The following CACNA2D1 variants were observed in gnomAD, a reference collection of about 807,000 sequenced individuals.
CACNA2D1 encodes voltage-dependent calcium channel subunit alpha-2/delta-1.
A neutral mutation model predicts 171.5 loss-of-function variants in CACNA2D1; 53 were observed. The observed-to-expected ratio is 0.31, with a 90% CI of 0.25 to 0.39. The LOEUF (loss-of-function observed/expected upper bound fraction) is 0.39, where lower values mean the gene tolerates loss of function less well. CACNA2D1 is among the 10% of genes least tolerant of loss of function. The probability of loss-of-function intolerance (pLI) is 1.00; values close to 1 mark genes in which losing one functional copy is unlikely to be tolerated. For missense variants in CACNA2D1, 903 were observed against 1,299.8 expected (o/e 0.69, Z 4.69); for synonymous variants, 442 against 443.1 (o/e 1.00, Z 0.03).
At chr7:82,269,295 C>CT (rs1416285408) in intron 3 of CACNA2D1, among the ~76,000 whole-genome samples, 1 of 152,092 alleles carries the variant, frequency 6.6e-6, no homozygotes, top group Admixed American at 6.6e-5. Context: ...TCTTATTCTC[C>CT]TTTTTTCATA....
chr7:82,286,147 C>T (rs953137463), intron 3 of CACNA2D1, among the ~76,000 whole-genome samples: 1 of 152,002 alleles, frequency 6.6e-6, no homozygotes, highest in Admixed American at 6.6e-5. Context: ...TGTGTGTCTG[C>T]CAGTAGCTTT....
intron 3 of CACNA2D1, among the ~76,000 whole-genome samples, chr7:82,259,429 C>A (rs992537082): frequency 6.6e-6 from 1 of 152,088 alleles, no homozygotes; most frequent in African/African-American, 2.4e-5. Flanking sequence ...TCATTCGTGT[C>A]ACATTTGTTA....
intron 3 of CACNA2D1, among the ~76,000 whole-genome samples, chr7:82,240,792 C>A (rs1378972656): frequency 6.6e-6 from 1 of 151,952 alleles, no homozygotes; most frequent in Non-Finnish European, 1.5e-5. Flanking sequence ...CATGGTGAAA[C>A]CCTGTCTCTA....
In CACNA2D1 at chr7:82,150,691, T is replaced by C. The variant is rs13230656; in HGVS notation, c.355-14015A>G. Among the ~76,000 whole-genome samples, 24 of 152,214 alleles carry C rather than the reference T, an allele frequency of 1.6e-4. 1 individual carries two copies. In the South Asian group the frequency reaches 5.0e-3, roughly 32 times the overall value. On this transcript the variant is annotated intron_variant, in intron 4 of 38. Coordinates refer to ENST00000356860, the MANE Select transcript of CACNA2D1 (RefSeq NM_000722.4). ...TATGATATAAATTACCTGCTACAGA[T>C]CAATTGCTGCTCTCTTTCATTAATA...
intron 1 of CACNA2D1, among the ~76,000 whole-genome samples, chr7:82,361,853 G>A (rs2129447295): frequency 6.6e-6 from 1 of 152,166 alleles, no homozygotes; most frequent in Non-Finnish European, 1.5e-5. Context: ...TCTCTCTTAT[G>A]GGGTAGCAAA....
intron 20 of CACNA2D1, among the ~76,000 whole-genome samples, chr7:81,992,143 G>A (rs994328668): frequency 8.6e-5 from 13 of 151,660 alleles, no homozygotes; most frequent in African/African-American, 3.1e-4. Context: ...GCTCTCAGCC[G>A]CTGGCACATG....
At chr7:81,972,487 C>G (rs1029317081) in intron 25 of CACNA2D1, among the ~76,000 whole-genome samples, 1 of 151,766 alleles carries the variant, frequency 6.6e-6, no homozygotes, top group Non-Finnish European at 1.5e-5. Context: ...CAGAGCAGTA[C>G]AATCCCAAGA....
intron 19 of CACNA2D1, among the ~76,000 whole-genome samples, chr7:81,995,778 G>A (rs903813682): frequency 1.8e-3 from 254 of 137,744 alleles, no homozygotes; most frequent in African/African-American, 7.0e-3. Context: ...CAGCCTGGGC[G>A]ACAGAGCGAG....
At chr7:82,012,330 G>A (rs1799889654) in intron 14 of CACNA2D1, 87 bp from the exon 15 acceptor site, 1 of 749,824 alleles carries the variant, frequency 1.3e-6, no homozygotes, top group Non-Finnish European at 2.3e-6. Context: ...ATATTCTAGA[G>A]TTAAAAATGA....
At chr7:82,429,683 T>G (rs1013710964) in intron 1 of CACNA2D1, among the ~76,000 whole-genome samples, 2 of 152,286 alleles carry the variant, frequency 1.3e-5, no homozygotes, top group South Asian at 2.1e-4. Flanking sequence ...TGGTCTGTGA[T>G]GAGTTACCAT....
rs117134427 is a variant in CACNA2D1, at chr7:82,081,881, G to A, written c.658+2888C>T. On this transcript the variant is annotated intron_variant, in intron 7 of 38. Transcript: ENST00000356860. ...GGGGTGTGTGAGCAAGTGAGTGCAG[G>A]CTCCGGTCCGCCATTCCAAGTGCTG... Among the ~76,000 whole-genome samples, 250 of 152,294 alleles carry A rather than the reference G, an allele frequency of 1.6e-3. 3 individuals are homozygous for A. The East Asian group carries it at 0.018, about 11-fold the overall frequency.
chr7:82,003,336 T>A (rs890391873), intron 18 of CACNA2D1, among the ~76,000 whole-genome samples: 5 of 152,074 alleles, frequency 3.3e-5, no homozygotes, highest in African/African-American at 1.2e-4. Flanking sequence ...GCAAAGCTAA[T>A]TTATAATATG....
At chr7:82,352,481 CATA>C (rs1819958178) in intron 1 of CACNA2D1, among the ~76,000 whole-genome samples, 1 of 152,120 alleles carries the variant, frequency 6.6e-6, no homozygotes, top group Admixed American at 6.6e-5. Context: ...AGCTTTTTCA[CATA>C]ATAAGAAACT....
At chr7:82,056,053 A>G (rs181017670) in intron 10 of CACNA2D1, among the ~76,000 whole-genome samples, 69 of 138,432 alleles carry the variant, frequency 5.0e-4, no homozygotes, top group African/African-American at 1.6e-3. Context: ...AACACGGCCC[A>G]CCTTGAAAAG....
chr7:82,433,855 T>C (rs1380882410), intron 1 of CACNA2D1, among the ~76,000 whole-genome samples: 7 of 152,210 alleles, frequency 4.6e-5, no homozygotes, highest in South Asian at 2.1e-4. Flanking sequence ...GGACCAGATA[T>C]GGTGAACTAA....
chr7:82,309,839 C>G (rs183945951), intron 3 of CACNA2D1, among the ~76,000 whole-genome samples: 281 of 152,234 alleles, frequency 1.8e-3, no homozygotes, highest in Non-Finnish European at 3.4e-3. Flanking sequence ...CATACCTGTC[C>G]TGAATGCCAT....
chr7:82,361,884 T>C (rs575758191), intron 1 of CACNA2D1, among the ~76,000 whole-genome samples: 78 of 152,342 alleles, frequency 5.1e-4, no homozygotes, highest in Non-Finnish European at 9.6e-4. Flanking sequence ...GTTACTGGAA[T>C]TTAAATTATT....
chr7:82,117,095 T>G lies in CACNA2D1; in HGVS notation c.475A>C (p.Ile159Leu), dbSNP rs187418422. 9.3e-6 allele frequency: 15 copies of G among 1,613,830 alleles called. No individual in the cohort carries two copies. The highest frequency in any genetic ancestry group is 1.3e-5 in the African/African-American group (1 of 74,914). The change falls in exon 6 of 39, where the codon ATA (isoleucine) becomes CTA (leucine). Residue 159 changes from isoleucine (I) to leucine (L), a missense_variant. Physicochemically the swap from Ile to Leu is conservative, Grantham distance 5 (BLOSUM62 2). This residue lies in a region of CACNA2D1 where 189 missense variants were observed against 266.8 expected (regional missense o/e 0.71). Transcript: ENST00000356860. ...TGGACTGCTGCGTGCTGATAAGATATTTGTCGTCCAAAATTAGCATCTTCA... is the reference window on the plus strand; with the variant it reads ...TGGACTGCTGCGTGCTGATAAGATAGTTGTCGTCCAAAATTAGCATCTTCA... ...FIEDANFGRQ[I>L]SYQHAAVHIP...
intron 7 of CACNA2D1, 108 bp from the exon 8 acceptor site, chr7:82,066,632 C>G: frequency 7.0e-7 from 1 of 1,431,654 alleles, no homozygotes; most frequent in Non-Finnish European, 9.3e-7. Flanking sequence ...ATTTCACTTA[C>G]GTACTTCAAT....
Sources: gnomAD v4.1 joint callset for allele counts (sites outside exome capture counted in the v4.1 genomes callset) on GRCh38, gnomAD v4.1.1 for gene constraint, gnomAD v4.1.1 regional missense constraint, MANE v1.5 for transcripts, NCBI Gene and HGNC (gene_info 2026-07-23, HGNC 2026-07-21) for gene names.